The following SOX5 variants were observed in gnomAD, a reference collection of about 807,000 sequenced individuals.
SOX5 encodes transcription factor SOX-5.
SOX5 carries 9 observed loss-of-function variants against 92.0 expected under a neutral mutation model. That is an observed-to-expected ratio of 0.10 (90% CI 0.06 to 0.17). The LOEUF (loss-of-function observed/expected upper bound fraction) is 0.17, where lower values mean the gene tolerates loss of function less well. SOX5 is among the 10% of genes least tolerant of loss of function. The pLI, the probability that SOX5 is intolerant of heterozygous loss-of-function variation, is 1.00. For synonymous variants in SOX5, 344 were observed against 336.3 expected (o/e 1.02, Z -0.25); for missense variants, 642 against 944.5 (o/e 0.68, Z 4.20).
At chr12:23,971,631 T>C (rs969954406) in intron 4 of SOX5, among the ~76,000 whole-genome samples, 1 of 151,512 alleles carries the variant, frequency 6.6e-6, no homozygotes, top group South Asian at 2.1e-4. Context: ...GTATAGAAAA[T>C]GAAATATGTA....
At chr12:24,458,402 G>T (rs927802420) in intron 1 of SOX5, among the ~76,000 whole-genome samples, 3 of 152,034 alleles carry the variant, frequency 2.0e-5, no homozygotes, top group African/African-American at 7.2e-5. Flanking sequence ...TATCATCTAT[G>T]GGCATTTTTT....
intron 3 of SOX5, among the ~76,000 whole-genome samples, chr12:23,839,065 T>C (rs1594927305): frequency 6.6e-6 from 1 of 151,426 alleles, no homozygotes; most frequent in East Asian, 1.9e-4. Context: ...GCCAGGCTGG[T>C]CTCAAACTCC....
intron 4 of SOX5, among the ~76,000 whole-genome samples, chr12:24,024,542 G>A (rs924643040): frequency 2.0e-5 from 3 of 152,090 alleles, no homozygotes; most frequent in Admixed American, 6.6e-5. Flanking sequence ...CAGAGAATAC[G>A]GGAATTCTTA....
At chr12:23,656,811 C>T (rs967659633) in intron 7 of SOX5, among the ~76,000 whole-genome samples, 1 of 151,744 alleles carries the variant, frequency 6.6e-6, no homozygotes, top group Admixed American at 6.6e-5. Context: ...GTATACCTAG[C>T]TCTGGAAAAA....
chr12:23,717,198 T>C (rs1033349978), intron 6 of SOX5, among the ~76,000 whole-genome samples: 5 of 152,190 alleles, frequency 3.3e-5, no homozygotes, highest in African/African-American at 4.8e-5. Flanking sequence ...GAAAAAATAT[T>C]TGGATGTTTG....
chr12:23,604,620 T>C lies in SOX5; in HGVS notation c.1018-87A>G. ...TTCAGAAAGTACATATATTCAGATATGGTATTTTTCCTATGAGCATTTTGT... is the reference window on the plus strand; with the variant it reads ...TTCAGAAAGTACATATATTCAGATACGGTATTTTTCCTATGAGCATTTTGT... On this transcript the variant is annotated intron_variant, in intron 8 of 14. Coordinates refer to ENST00000451604, the MANE Select transcript of SOX5 (RefSeq NM_006940.6). 2.3e-6 allele frequency: 3 copies of C among 1,332,920 alleles called. 1 individual carries two copies. The highest frequency in any genetic ancestry group is 2.6e-5 in the South Asian group (2 of 78,302). 82.6% of individuals were successfully genotyped at this position (1,332,920 alleles called of 1,614,324 possible). A position where few individuals can be genotyped will look rare whatever the true frequency, so the allele number is the denominator to read the frequency against.
At chr12:24,303,163 A>G (rs1948179094) in intron 2 of SOX5, among the ~76,000 whole-genome samples, 1 of 152,216 alleles carries the variant, frequency 6.6e-6, no homozygotes, top group South Asian at 2.1e-4. Flanking sequence ...AAGGTTGTAT[A>G]AGGCTCTATA....
chr12:24,292,762 A>T (rs1946763364), intron 2 of SOX5, among the ~76,000 whole-genome samples: 1 of 152,234 alleles, frequency 6.6e-6, no homozygotes, highest in South Asian at 2.1e-4. Flanking sequence ...AAGTTTGAGA[A>T]AACTTGTAAT....
Position 23,529,756 on chromosome 12 carries a change from A to G in SOX5, c.*4463T>C, listed in dbSNP as rs1227112344. 6.6e-6 allele frequency: 1 copy of G among 152,198 alleles called. No individual in the cohort carries two copies. Among genetic ancestry groups the G allele is most frequent in the Non-Finnish European group, 1.5e-5 (1 of 68,030 alleles). The allele number at this position is 152,198 out of a possible 1,614,324, so 9.4% of individuals were successfully genotyped here. ...TGTGTTATGAACAAAATATAAATCT[A>G]TAACTCTATGTTATATTTACATAAT... is the stretch of plus-strand genomic sequence containing the variant. On this transcript the variant is annotated 3_prime_UTR_variant, in exon 15 of 15. Coordinates refer to ENST00000451604, the MANE Select transcript of SOX5 (RefSeq NM_006940.6).
intron 4 of SOX5, among the ~76,000 whole-genome samples, chr12:24,030,710 AAAGCTTCTG>A (rs1403870158): frequency 7.2e-5 from 11 of 151,962 alleles, no homozygotes; most frequent in African/African-American, 2.7e-4. Flanking sequence ...ATCAAACTAA[AAAGCTTCTG>A]CATAGCAAAG....
At chr12:24,311,776 C>T (rs745390197) in intron 2 of SOX5, among the ~76,000 whole-genome samples, 2 of 152,108 alleles carry the variant, frequency 1.3e-5, no homozygotes, top group African/African-American at 2.4e-5. Flanking sequence ...CATAGTATCC[C>T]CAGAATCAGT....
At chr12:23,743,593 G>A (rs1234389629) in intron 4 of SOX5, among the ~76,000 whole-genome samples, 2 of 151,956 alleles carry the variant, frequency 1.3e-5, no homozygotes, top group East Asian at 3.9e-4. Context: ...TCATATTTTT[G>A]TATTTAGAAA....
chr12:23,899,067 T>C (rs1476081643), intron 1 of SOX5, among the ~76,000 whole-genome samples: 1 of 152,174 alleles, frequency 6.6e-6, no homozygotes, highest in East Asian at 1.9e-4. Context: ...TAAATTTTTG[T>C]CCATCTATCA....
At chr12:24,427,252 T>C (rs1719171946) in intron 1 of SOX5, among the ~76,000 whole-genome samples, 1 of 152,234 alleles carries the variant, frequency 6.6e-6, no homozygotes, top group Non-Finnish European at 1.5e-5. Flanking sequence ...TAAGAAACAG[T>C]TCTTTGAAAG....
At chr12:24,071,153 A>G (rs1941712509) in intron 4 of SOX5, among the ~76,000 whole-genome samples, 1 of 152,222 alleles carries the variant, frequency 6.6e-6, no homozygotes, top group Non-Finnish European at 1.5e-5. Context: ...TTATACTTAA[A>G]TAATTAGTTA....
At chr12:23,640,737 T>A in intron 8 of SOX5, 75 bp downstream of exon 8, 1 of 1,022,650 alleles carries the variant, frequency 9.8e-7, no homozygotes, top group Non-Finnish European at 1.5e-6. Context: ...TCAGTTTTAT[T>A]TTGCTTTAAC....
chr12:24,495,810 G>T (rs1305484633), intron 1 of SOX5, among the ~76,000 whole-genome samples: 1 of 152,152 alleles, frequency 6.6e-6, no homozygotes, highest in Non-Finnish European at 1.5e-5. Context: ...CAAGGATGGG[G>T]GAGGGTGTGG....
At chr12:24,408,891 A>G (rs560944003) in intron 1 of SOX5, among the ~76,000 whole-genome samples, 14 of 152,342 alleles carry the variant, frequency 9.2e-5, no homozygotes, top group African/African-American at 2.4e-4. Context: ...ATGTAAATTA[A>G]TTCAACCATT....
At chr12:23,590,926 C>T (rs1046519975) in intron 9 of SOX5, among the ~76,000 whole-genome samples, 8 of 152,006 alleles carry the variant, frequency 5.3e-5, no homozygotes, top group African/African-American at 1.9e-4. Context: ...CTCATCTCTC[C>T]TTACCCAGTA....
Sources: gnomAD v4.1 joint callset for allele counts (sites outside exome capture counted in the v4.1 genomes callset) on GRCh38, gnomAD v4.1.1 for gene constraint, MANE v1.5 for transcripts, NCBI Gene and HGNC (gene_info 2026-07-23, HGNC 2026-07-21) for gene names.